Variants in GRAMD1B observed in about 807,000 individuals in gnomAD.
The protein encoded by GRAMD1B is GRAM domain containing 1B.
Under a neutral mutation model 99.7 loss-of-function variants are expected in GRAMD1B, and 37 were observed. That is an observed-to-expected ratio of 0.37 (90% CI 0.29 to 0.49). The LOEUF is 0.49. GRAMD1B is among the 20% of genes least tolerant of loss of function. GRAMD1B has a pLI of 0.98. For missense variants in GRAMD1B, 888 were observed against 1,009.2 expected (o/e 0.88, Z 1.63); for synonymous variants, 427 against 387.6 (o/e 1.10, Z -1.19).
intron 2 of GRAMD1B, among the ~76,000 whole-genome samples, chr11:123,527,533 C>T (rs573804959): frequency 1.3e-5 from 2 of 152,286 alleles, no homozygotes; most frequent in East Asian, 1.9e-4. Context: ...CTCTCTCTTA[C>T]ATTTAGTCCT....
At chr11:123,425,126 A>G (rs1238997156) in intron 1 of GRAMD1B, among the ~76,000 whole-genome samples, 1 of 152,234 alleles carries the variant, frequency 6.6e-6, no homozygotes, top group Non-Finnish European at 1.5e-5. Flanking sequence ...TGAGAAACTG[A>G]GTTGCAGAGA....
chr11:123,487,637 C>T (rs1238225614), intron 2 of GRAMD1B, among the ~76,000 whole-genome samples: 1 of 152,162 alleles, frequency 6.6e-6, no homozygotes, highest in African/African-American at 2.4e-5. Flanking sequence ...GACAGTCTTG[C>T]TTTGTCACCC....
upstream of GRAMD1B, among the ~76,000 whole-genome samples, chr11:123,428,447 TG>T (rs964766401): frequency 6.6e-5 from 10 of 152,350 alleles, no homozygotes; most frequent in East Asian, 5.8e-4. Flanking sequence ...GGCCAGTGGC[TG>T]GATTTCAGAA....
intron 2 of GRAMD1B, among the ~76,000 whole-genome samples, chr11:123,548,325 T>TATATATATACACACACAC (rs1555067740): frequency 1.2e-5 from 1 of 86,840 alleles, no homozygotes; most frequent in African/African-American, 5.1e-5. Context: ...TATATATATA[T>TATATATATACACACACAC]ACACACACAC....
chr11:123,618,223 AT>A (rs1271836517), intron 17 of GRAMD1B: 248 of 789,954 alleles, frequency 3.1e-4, no homozygotes, highest in Non-Finnish European at 5.2e-4. Flanking sequence ...TGCTTCTAGT[AT>A]TTTTTTCTCA....
At chr11:123,376,552 A>G (rs1320425718) in intron 1 of GRAMD1B, among the ~76,000 whole-genome samples, 4 of 152,216 alleles carry the variant, frequency 2.6e-5, no homozygotes. Context: ...CTATCTTAGC[A>G]TGGATTCAAG....
chr11:123,572,613 A>T (rs553887125), intron 2 of GRAMD1B, among the ~76,000 whole-genome samples: 19 of 152,250 alleles, frequency 1.2e-4, no homozygotes, highest in Admixed American at 1.1e-3. Flanking sequence ...CCGGGTGGGG[A>T]CATGTAAGGG....
Position 123,600,356 on chromosome 11 carries a change from T to C in GRAMD1B, c.970-112T>C, listed in dbSNP as rs564570199. On this transcript the variant is annotated intron_variant, in intron 7 of 19. Coordinates refer to ENST00000635736, the MANE Select transcript of GRAMD1B (RefSeq NM_001387025.1). ...CGTGATCACAGGTAACTGAGAGTCA[T>C]TAGTGTTTGAGGATGAAGTCAGTAT... 502 of 660,550 alleles carry C rather than the reference T, an allele frequency of 7.6e-4. 1 individual carries two copies. Among genetic ancestry groups the C allele is most frequent in the Non-Finnish European group, 1.0e-3 (400 of 381,668 alleles). The allele number at this position is 660,550 out of a possible 1,614,324, so 40.9% of individuals were successfully genotyped here. A position where few individuals can be genotyped will look rare whatever the true frequency, so the allele number is the denominator to read the frequency against.
At chr11:123,551,156 G>C (rs559686959) in intron 2 of GRAMD1B, among the ~76,000 whole-genome samples, 1 of 125,328 alleles carries the variant, frequency 8.0e-6, no homozygotes, top group Non-Finnish European at 1.8e-5. Context: ...TGCCCTGCAG[G>C]GTTATCCCAA....
At chr11:123,512,703 C>CTT (rs766565214) in intron 2 of GRAMD1B, among the ~76,000 whole-genome samples, 4,038 of 102,946 alleles carry the variant, frequency 0.039, 291 homozygotes, top group African/African-American at 0.13. Flanking sequence ...CATTGTGAAT[C>CTT]TTTTTTTTTT....
At chr11:123,391,267 T>C (rs1038176856) in intron 1 of GRAMD1B, among the ~76,000 whole-genome samples, 9 of 148,656 alleles carry the variant, frequency 6.1e-5, no homozygotes, top group South Asian at 2.1e-4. Flanking sequence ...CTTTACCCCA[T>C]ACCCAGGAGC....
intron 1 of GRAMD1B, among the ~76,000 whole-genome samples, chr11:123,473,966 T>C (rs1951137839): frequency 6.6e-6 from 1 of 152,218 alleles, no homozygotes; most frequent in African/African-American, 2.4e-5. Context: ...TAAGCTGAAA[T>C]AGTAAATGCC....
At chr11:123,570,322 A>G (rs1234890441) in intron 2 of GRAMD1B, among the ~76,000 whole-genome samples, 3 of 152,144 alleles carry the variant, frequency 2.0e-5, no homozygotes, top group African/African-American at 7.2e-5. Flanking sequence ...TACTGTGGGA[A>G]GTGAGACTTG....
intron 2 of GRAMD1B, among the ~76,000 whole-genome samples, chr11:123,493,726 G>A (rs1039042604): frequency 6.6e-6 from 1 of 152,216 alleles, no homozygotes; most frequent in African/African-American, 2.4e-5. Context: ...ATTAAATTCT[G>A]CAGTGGAAGT....
Position 123,586,870 on chromosome 11 carries a change from G to A in GRAMD1B, c.684+2538G>A, listed in dbSNP as rs529793253. 2.0e-5 allele frequency among the ~76,000 whole-genome samples: 3 copies of A among 152,336 alleles called. No homozygotes were observed. The South Asian group carries it at 6.2e-4, about 32-fold the overall frequency. On this transcript the variant is annotated intron_variant, in intron 4 of 19. Transcript: ENST00000635736. Reference sequence around the variant, plus strand: ...CTCTCCGGATCCCAGGGTCAGTGCTGCAGCCATTCTGATATCTGAGGCTCA... The same window carrying A: ...CTCTCCGGATCCCAGGGTCAGTGCTACAGCCATTCTGATATCTGAGGCTCA...
At chr11:123,578,313 T>C in intron 3 of GRAMD1B, 1 of 1,027,334 alleles carries the variant, frequency 9.7e-7, no homozygotes, top group Middle Eastern at 2.0e-4. Flanking sequence ...GCATGGGAGC[T>C]GGCTTCCCAC....
chr11:123,441,816 A>AT (rs1278367416), intron 1 of GRAMD1B, among the ~76,000 whole-genome samples: 1 of 151,332 alleles, frequency 6.6e-6, no homozygotes, highest in Non-Finnish European at 1.5e-5. Context: ...GAGAAAAAAA[A>AT]GTCAACATGC....
chr11:123,535,952 G>T (rs1436505790), intron 2 of GRAMD1B, among the ~76,000 whole-genome samples: 2 of 152,134 alleles, frequency 1.3e-5, no homozygotes, highest in African/African-American at 4.8e-5. Context: ...TTCTCAGCAG[G>T]TGCCTCGTTG....
chr11:123,482,220 T>A (rs993407556), intron 2 of GRAMD1B, among the ~76,000 whole-genome samples: 1 of 152,086 alleles, frequency 6.6e-6, no homozygotes, highest in African/African-American at 2.4e-5. Context: ...CACCTCAGCC[T>A]CCGGAGTAAT....
Sources: gnomAD v4.1 joint callset for allele counts (sites outside exome capture counted in the v4.1 genomes callset) on GRCh38, gnomAD v4.1.1 for gene constraint, MANE v1.5 for transcripts, NCBI Gene and HGNC (gene_info 2026-07-23, HGNC 2026-07-21) for gene names.